The following MAPK9 variants were observed in gnomAD, a reference collection of about 807,000 sequenced individuals.
The protein encoded by MAPK9 is Jun kinase.
In MAPK9, 30 loss-of-function variants were observed where a neutral mutation model predicts 57.1. The ratio of observed to expected loss-of-function variants is 0.53; its 90% CI spans 0.39 to 0.71. The LOEUF (loss-of-function observed/expected upper bound fraction) is 0.71. Among genes scored for constraint, MAPK9 ranks in the 30% least tolerant of loss-of-function variants. MAPK9 has a pLI of 0.00. For missense variants in MAPK9, 362 were observed against 521.0 expected (o/e 0.69, Z 2.97); for synonymous variants, 155 against 177.0 (o/e 0.88, Z 0.99).
rs776493167 is a variant in MAPK9 at position 180,247,560 on chromosome 5, A to G, written c.617-50T>C. On this transcript the variant is annotated intron_variant, in intron 6 of 11. Coordinates refer to ENST00000452135, the MANE Select transcript of MAPK9 (RefSeq NM_002752.5). The surrounding 1 kb of genome is among the most constrained non-coding windows in gnomAD (Gnocchi z 4.5). ...ATTATGAAGTGCCATGAACAAAACA[A>G]AAGTGAGGAAAAGGAATTCTAACAG... 3.4e-6 allele frequency: 5 copies of G among 1,490,202 alleles called. No individual in the cohort carries two copies. The South Asian group carries it at 5.8e-5, about 17-fold the overall frequency. 92.3% of individuals were successfully genotyped at this position (1,490,202 alleles called of 1,614,324 possible).
chr5:180,289,881 G>A (rs1341638713), intron 1 of MAPK9, among the ~76,000 whole-genome samples: 1 of 152,108 alleles, frequency 6.6e-6, no homozygotes, highest in Non-Finnish European at 1.5e-5. Flanking sequence ...TTAGAGACAG[G>A]GTCTTGCTCT....
At chr5:180,266,275 G>A (rs918260973) in intron 3 of MAPK9, among the ~76,000 whole-genome samples, 1 of 151,026 alleles carries the variant, frequency 6.6e-6, no homozygotes, top group Non-Finnish European at 1.5e-5. Flanking sequence ...TCAACAGTAT[G>A]TAGTGCTGGG....
At chr5:180,286,092 A>T (rs1340729828) in intron 1 of MAPK9, among the ~76,000 whole-genome samples, 1 of 139,376 alleles carries the variant, frequency 7.2e-6, no homozygotes, top group Non-Finnish European at 1.6e-5. Flanking sequence ...AAAAAAAAAA[A>T]TAGTAAAAAT....
rs368176340 is a variant in MAPK9, at chr5:180,242,616, T to C, written c.828A>G (p.Pro276=). The C allele has an allele frequency of 1.2e-5, 19 of 1,614,148 alleles. No homozygotes were observed. The African/African-American group carries it at 2.3e-4, about 19-fold the overall frequency. ...CAGATTCTGATGGGAATATCCAATC[T>C]GGAAAGAGTTCTTCAAATTTGATTC... The part of the protein sequence containing the change: ...YPGIKFEELF[P]DWIFPSESER... Residue 276 remains proline, a synonymous_variant, in exon 8 of 12, where the codon CCA becomes CCG. Coordinates refer to ENST00000452135, the MANE Select transcript of MAPK9 (RefSeq NM_002752.5).
intron 2 of MAPK9, chr5:180,279,942 C>T: frequency 6.6e-6 from 3 of 456,726 alleles, no homozygotes; most frequent in Non-Finnish European, 1.3e-5. Context: ...CCCAACCCCT[C>T]ACACAGCATC....
At chr5:180,269,252 AC>A (rs779509996) in intron 3 of MAPK9, 27 bp downstream of exon 3, 5 of 1,605,512 alleles carry the variant, frequency 3.1e-6, no homozygotes, top group Non-Finnish European at 4.3e-6. Context: ...ATATGGAAGC[AC>A]ACAGACAAAA....
At chr5:180,249,993 G>A (rs539177538) in intron 5 of MAPK9, among the ~76,000 whole-genome samples, 1 of 152,174 alleles carries the variant, frequency 6.6e-6, no homozygotes, top group East Asian at 1.9e-4. Context: ...TTCTCTCCTT[G>A]GAAGAGCAAT....
In MAPK9 at chr5:180,235,857, T is replaced by C. The variant is rs1277815855; in HGVS notation, c.*527A>G. 3.3e-5 allele frequency: 5 copies of C among 152,598 alleles called. No homozygotes were observed. Among genetic ancestry groups the C allele is most frequent in the Non-Finnish European group, 5.9e-5 (4 of 68,032 alleles). 9.5% of individuals were successfully genotyped at this position (152,598 alleles called of 1,614,324 possible). A position where few individuals can be genotyped will look rare whatever the true frequency, so the allele number is the denominator to read the frequency against. ...GAAATACAAAAGATAGAATAAATCA[T>C]AGCATAAAAGGGAATAAGATATGAT... On this transcript the variant is annotated 3_prime_UTR_variant, in exon 12 of 12. Coordinates refer to ENST00000452135, the MANE Select transcript of MAPK9 (RefSeq NM_002752.5).
chr5:180,262,591 A>G (rs1479529858), intron 4 of MAPK9, among the ~76,000 whole-genome samples: 1 of 150,982 alleles, frequency 6.6e-6, no homozygotes, highest in African/African-American at 2.4e-5. Context: ...AACAGCCATC[A>G]TGCCTGGATA....
chr5:180,272,628 G>A (rs1318934122), intron 2 of MAPK9, among the ~76,000 whole-genome samples: 1 of 152,178 alleles, frequency 6.6e-6, no homozygotes. Context: ...GAAATCTTCT[G>A]TGTCTGACTT....
chr5:180,270,368 G>A (rs1436486277), intron 2 of MAPK9, among the ~76,000 whole-genome samples: 1 of 152,158 alleles, frequency 6.6e-6, no homozygotes, highest in African/African-American at 2.4e-5. Context: ...TGGTTAAGAA[G>A]CTACCTTACT....
chr5:180,248,775 T>A (rs1758377617), intron 6 of MAPK9, among the ~76,000 whole-genome samples, 198 bp downstream of exon 6: 2 of 152,208 alleles, frequency 1.3e-5, no homozygotes, highest in South Asian at 4.1e-4. Flanking sequence ...ATTTTAAAAG[T>A]GAATTTTTAA....
chr5:180,238,075 G>T, intron 11 of MAPK9: 1 of 267,352 alleles, frequency 3.7e-6, no homozygotes, highest in Non-Finnish European at 7.2e-6. Context: ...ATCGAGACCA[G>T]CTTGGCCAAT....
chr5:180,271,494 G>T (rs919200167), intron 2 of MAPK9, among the ~76,000 whole-genome samples: 4 of 152,118 alleles, frequency 2.6e-5, no homozygotes, highest in Admixed American at 2.6e-4. Context: ...ACGTCTTTAA[G>T]TAACACCCCT....
chr5:180,287,791 C>T (rs1762900184), intron 1 of MAPK9, among the ~76,000 whole-genome samples: 2 of 152,170 alleles, frequency 1.3e-5, no homozygotes, highest in Admixed American at 1.3e-4. Flanking sequence ...TTTTGCCACC[C>T]TCCCAGTATT....
At chr5:180,241,953 G>A (rs1199955552) in intron 8 of MAPK9, among the ~76,000 whole-genome samples, 3 of 152,112 alleles carry the variant, frequency 2.0e-5, no homozygotes, top group Non-Finnish European at 2.9e-5. Context: ...GATGCTTCTG[G>A]CTGGCCTAGC....
intron 7 of MAPK9, among the ~76,000 whole-genome samples, chr5:180,245,055 C>T (rs550751671): frequency 3.3e-5 from 5 of 152,182 alleles, no homozygotes; most frequent in Non-Finnish European, 7.3e-5. Flanking sequence ...TCCCTTTGTC[C>T]CTCCACCTCA....
At chr5:180,248,826 TTTC>T (rs758407871) in intron 6 of MAPK9, 144 bp downstream of exon 6, 28 of 742,870 alleles carry the variant, frequency 3.8e-5, no homozygotes, top group Non-Finnish European at 5.4e-5. Context: ...CAATTAATTA[TTTC>T]TTATCTCTGG....
At chr5:180,256,140 T>C (rs574272694) in intron 5 of MAPK9, among the ~76,000 whole-genome samples, 1 of 152,178 alleles carries the variant, frequency 6.6e-6, no homozygotes, top group African/African-American at 2.4e-5. Context: ...ACTGGCCATC[T>C]CCAGGTGCTA....
Sources: gnomAD v4.1 joint callset for allele counts (sites outside exome capture counted in the v4.1 genomes callset) on GRCh38, gnomAD v4.1.1 for gene constraint, Gnocchi (gnomAD v3.1) non-coding constraint, MANE v1.5 for transcripts, NCBI Gene and HGNC (gene_info 2026-07-23, HGNC 2026-07-21) for gene names.